KIAA1217: variants seen among roughly 807,000 people sequenced by gnomAD.
KIAA1217 encodes KIAA1217, also known as sickle tail protein homolog.
Under a neutral mutation model 163.9 loss-of-function variants are expected in KIAA1217, and 88 were observed. That is an observed-to-expected ratio of 0.54 (90% CI 0.45 to 0.64). The LOEUF is 0.64. KIAA1217 is among the 30% of genes least tolerant of loss of function. KIAA1217 has a pLI of 0.00. For synonymous variants in KIAA1217, 903 were observed against 923.1 expected (o/e 0.98, Z 0.39); for missense variants, 2,372 against 2,475.0 (o/e 0.96, Z 0.88).
At chr10:23,704,420 A>G (rs1836746500) in intron 1 of KIAA1217, among the ~76,000 whole-genome samples, 1 of 151,664 alleles carries the variant, frequency 6.6e-6, no homozygotes, top group African/African-American at 2.4e-5. Context: ...CATCTCCCCT[A>G]AAAGAAACTC....
chr10:24,043,736 C>T (rs932217570), intron 2 of KIAA1217, among the ~76,000 whole-genome samples: 1 of 152,094 alleles, frequency 6.6e-6, no homozygotes, highest in African/African-American at 2.4e-5. Context: ...ACCTAAAGAG[C>T]ATCCAAACAT....
At chr10:24,260,445 C>T (rs2075604675) in intron 2 of KIAA1217, among the ~76,000 whole-genome samples, 1 of 151,876 alleles carries the variant, frequency 6.6e-6, no homozygotes, top group South Asian at 2.1e-4. Flanking sequence ...AAAGCACAGA[C>T]ATATTTAAAA....
intron 2 of KIAA1217, among the ~76,000 whole-genome samples, chr10:24,273,494 T>A (rs962472548): frequency 2.0e-5 from 3 of 152,090 alleles, no homozygotes; most frequent in Non-Finnish European, 4.4e-5. Context: ...AGTGAGGGTG[T>A]CACATAAGAG....
At chr10:24,540,683 T>G (rs575592593) in intron 17 of KIAA1217, among the ~76,000 whole-genome samples, 2 of 152,364 alleles carry the variant, frequency 1.3e-5, no homozygotes, top group African/African-American at 4.8e-5. Flanking sequence ...CAAATTCTCA[T>G]TTGGGTCCTA....
chr10:24,258,815 G>A (rs1024162446), intron 2 of KIAA1217, among the ~76,000 whole-genome samples: 9 of 151,960 alleles, frequency 5.9e-5, no homozygotes, highest in Non-Finnish European at 5.9e-5. Context: ...GGATGGTCTC[G>A]ATCTCCTGAC....
At chr10:24,127,344 G>GA in intron 2 of KIAA1217, among the ~76,000 whole-genome samples, 1 of 152,190 alleles carries the variant, frequency 6.6e-6, no homozygotes, top group Non-Finnish European at 1.5e-5. Context: ...ATCCTACCTT[G>GA]AAAAAATTTT....
At position 24,544,043 on chromosome 10, in the gene KIAA1217, C is replaced by G. The variant is rs375368066; in HGVS notation, c.4773C>G (p.Thr1591=). The G allele has an allele frequency of 2.5e-6, 4 of 1,613,898 alleles. No individual in the cohort carries two copies. The highest frequency in any genetic ancestry group is 4.5e-5 in the East Asian group (2 of 44,878). The change falls in exon 19 of 21, where the codon ACC becomes ACG. Residue 1591 remains threonine (T), a synonymous_variant. Transcript: ENST00000376454. ...CCGCTCTCACTCAAGCCATTCGCAC[C>G]GGAACTAAAACAGGGAAGAAGACTT... is the stretch of plus-strand genomic sequence containing the variant. The part of the protein sequence containing the change: ...QLAALTQAIR[T]GTKTGKKTLQ...
intron 8 of KIAA1217, among the ~76,000 whole-genome samples, chr10:24,496,060 C>A (rs1162168180): frequency 6.6e-6 from 1 of 152,246 alleles, no homozygotes; most frequent in African/African-American, 2.4e-5. Context: ...CATTCAGATA[C>A]TAAATTACAC....
At chr10:23,831,910 TA>T (rs1564459280) in intron 1 of KIAA1217, among the ~76,000 whole-genome samples, 2 of 152,204 alleles carry the variant, frequency 1.3e-5, no homozygotes, top group African/African-American at 4.8e-5. Flanking sequence ...TATTGAGAGA[TA>T]GGAAAAAGCA....
At chr10:23,850,717 A>G (rs766022630) in intron 1 of KIAA1217, among the ~76,000 whole-genome samples, 1 of 152,130 alleles carries the variant, frequency 6.6e-6, no homozygotes, top group Non-Finnish European at 1.5e-5. Context: ...ACTACCTGAG[A>G]CTGAGTAATT....
intron 5 of KIAA1217, among the ~76,000 whole-genome samples, chr10:24,441,984 C>T (rs1391924845): frequency 6.6e-6 from 1 of 152,178 alleles, no homozygotes; most frequent in Non-Finnish European, 1.5e-5. Flanking sequence ...GGCTTCTCCA[C>T]CTTCTTGTGT....
At chr10:23,716,753 A>G (rs932427285) in intron 1 of KIAA1217, among the ~76,000 whole-genome samples, 10 of 152,178 alleles carry the variant, frequency 6.6e-5, no homozygotes, top group African/African-American at 1.9e-4. Flanking sequence ...ATTTATATGC[A>G]TGTAACAACA....
At chr10:24,382,330 GA>G (rs1224369882) in intron 3 of KIAA1217, among the ~76,000 whole-genome samples, 1 of 151,968 alleles carries the variant, frequency 6.6e-6, no homozygotes, top group Non-Finnish European at 1.5e-5. Flanking sequence ...GGAGAAGAAA[GA>G]AAAAGATTGA....
rs1415203631 is a variant in KIAA1217, at chr10:24,209,247, C to G, written c.54C>G (p.Asp18Glu). Residue 18 changes from aspartate to glutamate, a missense_variant, in exon 1 of 21, where the codon GAC becomes GAG. Coordinates refer to ENST00000376454, the MANE Select transcript of KIAA1217 (RefSeq NM_019590.5). ...KCEPCLPYSA[D>E]RRQMQEQGKG... ...AGCCGTGCCTTCCTTACTCAGCAGA[C>G]AGAAGACAGATGCAGGGTAAGTAAC... The G allele has an allele frequency of 6.2e-7, 1 of 1,613,136 alleles. No homozygotes were observed. Among genetic ancestry groups the G allele is most frequent in the Non-Finnish European group, 8.5e-7 (1 of 1,179,636 alleles).
chr10:23,968,437 A>T lies in KIAA1217; in HGVS notation c.-320-38788A>T, dbSNP rs554166391. Among the ~76,000 whole-genome samples, 57 of 152,302 alleles carry T rather than the reference A, an allele frequency of 3.7e-4. No homozygotes were observed. The South Asian group carries it at 0.011, about 30-fold the overall frequency. ...GTAAGCTGACTTATGGAAAGCACCC[A>T]GTGCTGTCTTCTTTTTTGTGGTTGT... is the stretch of plus-strand genomic sequence containing the variant. On this transcript the variant is annotated intron_variant, in intron 1 of 18. Transcript: ENST00000376462.
intron 6 of KIAA1217, 96 bp downstream of exon 6, chr10:24,474,156 G>A: frequency 1.1e-6 from 1 of 875,070 alleles, no homozygotes; most frequent in Non-Finnish European, 1.7e-6. Context: ...AAATGTCTGA[G>A]CACCCATCTC....
intron 1 of KIAA1217, among the ~76,000 whole-genome samples, chr10:23,805,808 G>A (rs1049129053): frequency 6.6e-6 from 1 of 151,894 alleles, no homozygotes; most frequent in East Asian, 1.9e-4. Flanking sequence ...GAGGTCAGGA[G>A]TTTGAGATCA....
chr10:24,468,912 G>A (rs985709448), intron 5 of KIAA1217, among the ~76,000 whole-genome samples: 4 of 152,018 alleles, frequency 2.6e-5, no homozygotes, highest in Admixed American at 1.3e-4. Flanking sequence ...ATCTTTAAAT[G>A]TTTCATTTTA....
At chr10:23,948,028 T>TA (rs1844139020) in intron 1 of KIAA1217, among the ~76,000 whole-genome samples, 1 of 152,210 alleles carries the variant, frequency 6.6e-6, no homozygotes, top group South Asian at 2.1e-4. Context: ...TCTGAGTTCT[T>TA]ACACACTTCT....
Sources: allele counts gnomAD v4.1 joint callset (sites outside exome capture counted in the v4.1 genomes callset), GRCh38; gene constraint gnomAD v4.1.1; transcripts MANE v1.5; gene names NCBI Gene and HGNC (gene_info 2026-07-23, HGNC 2026-07-21).